ETV6: variants seen among roughly 807,000 people sequenced by gnomAD.
ETV6 encodes transcription factor ETV6.
Under a neutral mutation model 51.1 loss-of-function variants are expected in ETV6, and 16 were observed. The observed-to-expected ratio is 0.31, with a 90% CI of 0.21 to 0.48. ETV6 has a LOEUF of 0.48. ETV6 is among the 20% of genes least tolerant of loss of function. The pLI, the probability that ETV6 is intolerant of heterozygous loss-of-function variation, is 0.99. For missense variants in ETV6, 458 were observed against 594.8 expected (o/e 0.77, Z 2.39); for synonymous variants, 240 against 224.1 (o/e 1.07, Z -0.64).
intron 3 of ETV6, among the ~76,000 whole-genome samples, chr12:11,852,562 G>A (rs117043366): frequency 7.1e-4 from 108 of 152,244 alleles, no homozygotes; most frequent in Non-Finnish European, 1.3e-3. Flanking sequence ...AGTTGTCATT[G>A]GAGCATTACA....
chr12:11,786,212 G>C (rs1012931125), intron 2 of ETV6, among the ~76,000 whole-genome samples: 1 of 151,916 alleles, frequency 6.6e-6, no homozygotes, highest in African/African-American at 2.4e-5. Flanking sequence ...ATGGTATGAC[G>C]CCATCATTTC....
At chr12:11,846,360 C>T (rs1310355295) in intron 3 of ETV6, among the ~76,000 whole-genome samples, 1 of 152,136 alleles carries the variant, frequency 6.6e-6, no homozygotes, top group African/African-American at 2.4e-5. Flanking sequence ...CATAGCAAAT[C>T]ATCACCTGAA....
At chr12:11,831,499 A>G (rs1183610706) in intron 2 of ETV6, among the ~76,000 whole-genome samples, 2 of 152,270 alleles carry the variant, frequency 1.3e-5, no homozygotes, top group Non-Finnish European at 2.9e-5. Flanking sequence ...TGCTGGGATT[A>G]CAGGTGTGAG....
chr12:11,814,329 G>T (rs1279597455), intron 2 of ETV6, among the ~76,000 whole-genome samples: 1 of 151,832 alleles, frequency 6.6e-6, no homozygotes, highest in African/African-American at 2.4e-5. Context: ...ATCTTTTCTT[G>T]GCTTTGTAAA....
intron 3 of ETV6, among the ~76,000 whole-genome samples, chr12:11,846,400 T>C (rs1475849834): frequency 6.6e-6 from 1 of 152,374 alleles, no homozygotes; most frequent in Non-Finnish European, 1.5e-5. Flanking sequence ...GTTAGGGTTC[T>C]ACTTTAAACC....
chr12:11,679,029 G>A (rs1392894233), intron 1 of ETV6, among the ~76,000 whole-genome samples: 1 of 152,164 alleles, frequency 6.6e-6, no homozygotes, highest in Non-Finnish European at 1.5e-5. Flanking sequence ...CAGAAATAAT[G>A]TGTAATCTGG....
intron 2 of ETV6, among the ~76,000 whole-genome samples, chr12:11,759,179 AAAAAT>A (rs1376155152): frequency 6.6e-6 from 1 of 152,022 alleles, no homozygotes; most frequent in African/African-American, 2.4e-5. Flanking sequence ...TTTTAAGAAA[AAAAAT>A]ATATAACCAG....
chr12:11,652,760 C>T (rs931558435), intron 1 of ETV6, among the ~76,000 whole-genome samples: 3 of 152,134 alleles, frequency 2.0e-5, no homozygotes, highest in Non-Finnish European at 2.9e-5. Flanking sequence ...GAGTAGTGTC[C>T]GATTTGGGTG....
At chr12:11,819,475 C>G (rs1946044311) in intron 2 of ETV6, among the ~76,000 whole-genome samples, 1 of 152,240 alleles carries the variant, frequency 6.6e-6, no homozygotes, top group Non-Finnish European at 1.5e-5. Context: ...TATTTTTTAT[C>G]TCTAGCCTGG....
intron 1 of ETV6, among the ~76,000 whole-genome samples, chr12:11,727,045 C>T (rs1246033663): frequency 6.6e-6 from 1 of 152,202 alleles, no homozygotes; most frequent in Non-Finnish European, 1.5e-5. Context: ...TGCAGCAATT[C>T]AGAGAAAGGG....
rs2071149 is a variant in ETV6 at position 11,869,734 on chromosome 12, C to T, written c.774C>T (p.Pro258=). 1.6e-4 allele frequency: 262 copies of T among 1,613,950 alleles called. 1 individual carries two copies. The East Asian group carries it at 5.7e-3, about 35-fold the overall frequency. The change falls in exon 5 of 8, where the codon CCC becomes CCT. Residue 258 remains proline (P), a synonymous_variant. Transcript: ENST00000396373. The surrounding 1 kb of genome is among the most constrained non-coding windows in gnomAD (Gnocchi z 5.0). The part of the protein sequence containing the change: ...SSESHPKPSS[P]RQESTRVIQL... ...AGTCCCACCCGAAGCCATCCAGCCCCCGGCAGGAGAGCACACGCGTGATCC... is the reference window on the plus strand; with the variant it reads ...AGTCCCACCCGAAGCCATCCAGCCCTCGGCAGGAGAGCACACGCGTGATCC...
At chr12:11,855,325 G>A (rs1322221108) in intron 4 of ETV6, among the ~76,000 whole-genome samples, 4 of 151,964 alleles carry the variant, frequency 2.6e-5, no homozygotes, top group South Asian at 2.1e-4. Flanking sequence ...AAACCAAAGC[G>A]AAAGGAAACC....
At chr12:11,830,550 C>T (rs1259449792) in intron 2 of ETV6, among the ~76,000 whole-genome samples, 3 of 152,210 alleles carry the variant, frequency 2.0e-5, no homozygotes, top group Non-Finnish European at 4.4e-5. Context: ...AGCTGAGTGT[C>T]CTGACCATCA....
At chr12:11,725,610 T>A (rs182627996) in intron 1 of ETV6, among the ~76,000 whole-genome samples, 1 of 152,352 alleles carries the variant, frequency 6.6e-6, no homozygotes, top group Admixed American at 6.5e-5. Flanking sequence ...CCAAACCTCA[T>A]GTTGAGACCT....
intron 1 of ETV6, among the ~76,000 whole-genome samples, chr12:11,719,802 C>T (rs539003796): frequency 9.7e-4 from 148 of 152,326 alleles, no homozygotes; most frequent in African/African-American, 3.4e-3. Context: ...GGACTGGTAA[C>T]AGACCCTCTG....
At chr12:11,819,088 A>G (rs1344925376) in intron 2 of ETV6, among the ~76,000 whole-genome samples, 1 of 152,092 alleles carries the variant, frequency 6.6e-6, no homozygotes, top group Non-Finnish European at 1.5e-5. Context: ...AAAGAAGCCC[A>G]CTTGGATTGC....
intron 3 of ETV6, chr12:11,840,313 T>C (rs1227645898): frequency 1.7e-5 from 7 of 406,050 alleles, no homozygotes; most frequent in Admixed American, 5.7e-5. Context: ...TTTGTCTCAG[T>C]TTCATTTCCT....
intron 1 of ETV6, among the ~76,000 whole-genome samples, chr12:11,655,858 T>C (rs939731703): frequency 3.9e-5 from 6 of 152,238 alleles, no homozygotes; most frequent in African/African-American, 1.2e-4. Context: ...CTCAGCCCTA[T>C]GGATTTCGCT....
intron 4 of ETV6, 115 bp downstream of exon 4, chr12:11,853,676 AATT>A: frequency 2.5e-6 from 3 of 1,191,326 alleles, no homozygotes; most frequent in Non-Finnish European, 2.4e-6. Flanking sequence ...TTCAGTAGAC[AATT>A]ATTGAGTGCT....
Sources: allele counts gnomAD v4.1 joint callset (sites outside exome capture counted in the v4.1 genomes callset), GRCh38; gene constraint gnomAD v4.1.1; non-coding constraint Gnocchi (gnomAD v3.1); transcripts MANE v1.5; gene names NCBI Gene and HGNC (gene_info 2026-07-23, HGNC 2026-07-21).